The following MYCBP2 variants were observed in gnomAD, a reference collection of about 807,000 sequenced individuals.
MYCBP2 encodes MYC binding protein 2, also known as E3 ubiquitin-protein ligase MYCBP2.
A neutral mutation model predicts 525.3 loss-of-function variants in MYCBP2; 120 were observed. The ratio of observed to expected loss-of-function variants is 0.23; its 90% CI spans 0.20 to 0.27. MYCBP2 has a LOEUF of 0.27. Ranked by LOEUF, MYCBP2 falls within the 10% of genes least tolerant of loss-of-function variation. The probability of loss-of-function intolerance (pLI) is 1.00; values close to 1 mark genes in which losing one functional copy is unlikely to be tolerated. For synonymous variants in MYCBP2, 1,894 were observed against 1,955.8 expected (o/e 0.97, Z 0.83); for missense variants, 4,149 against 5,657.1 (o/e 0.73, Z 8.55).
chr13:77,070,593 C>G (rs778815212), intron 69 of MYCBP2, 38 bp downstream of exon 69: 4 of 1,429,388 alleles, frequency 2.8e-6, no homozygotes, highest in Non-Finnish European at 3.9e-6. Context: ...CACACACACA[C>G]AAAACTAATG....
intron 4 of MYCBP2, among the ~76,000 whole-genome samples, chr13:77,276,981 A>G (rs1171223560): frequency 6.6e-6 from 1 of 152,054 alleles, no homozygotes; most frequent in East Asian, 1.9e-4. Context: ...TTGATGGAAG[A>G]TAAGACTAAA....
chr13:77,297,655 C>A (rs1157724463), intron 1 of MYCBP2, among the ~76,000 whole-genome samples: 1 of 151,950 alleles, frequency 6.6e-6, no homozygotes, highest in Non-Finnish European at 1.5e-5. Flanking sequence ...AGTTAGCCTG[C>A]TGGAAAAAAA....
rs532619521 is a variant in MYCBP2, at chr13:77,057,022, C to T, written c.13401G>A (p.Arg4467=). ...RVLENRWLGP[R]ITFGFISCPI... is the part of the protein sequence containing the mutation. ...GACAAGATATAAATCCAAATGTTAT[C>T]CTTGGGCCAAGCCATCGATTTTCTA... The change falls in exon 79 of 83, where the codon AGG becomes AGA. Residue 4467 remains arginine (R), a synonymous_variant. Coordinates refer to ENST00000544440, the MANE Select transcript of MYCBP2 (RefSeq NM_015057.5). 1.2e-5 allele frequency: 19 copies of T among 1,613,628 alleles called. 1 individual carries two copies. In the South Asian group the frequency reaches 2.1e-4, roughly 18 times the overall value.
chr13:77,286,152 G>GGAAC (rs1407751271), intron 3 of MYCBP2, among the ~76,000 whole-genome samples: 1 of 152,134 alleles, frequency 6.6e-6, no homozygotes, highest in Non-Finnish European at 1.5e-5. Context: ...GGTGTACTTA[G>GGAAC]GAACAGCCAC....
chr13:77,270,109 T>C (rs766517605), intron 6 of MYCBP2, 46 bp from the exon 7 acceptor site: 1 of 1,534,344 alleles, frequency 6.5e-7, no homozygotes, highest in South Asian at 1.2e-5. Flanking sequence ...TCATAATTAA[T>C]AATCAATGAA....
At position 77,140,849 on chromosome 13, in the gene MYCBP2, A is replaced by G. The variant is rs767253301; in HGVS notation, c.7398T>C (p.Asn2466=). The part of the protein sequence containing the change: ...LVKPKSEPQP[N]KVRKFVAKDS... ...TCTCAATTCATTCTGCCCTAACCTT[A>G]TTAGGCTGAGGTTCAGACTTTGGTT... The change falls in exon 50 of 83, where the codon AAT becomes AAC. Residue 2466 remains asparagine, a synonymous_variant. Transcript: ENST00000544440. 1 of 1,607,658 alleles carries G rather than the reference A, an allele frequency of 6.2e-7. No homozygotes were observed. Among genetic ancestry groups the G allele is most frequent in the Non-Finnish European group, 8.5e-7 (1 of 1,177,056 alleles).
In MYCBP2 at chr13:77,061,102, T is replaced by C. The variant is rs557658598; in HGVS notation, c.13036+67A>G. On this transcript the variant is annotated intron_variant, in intron 76 of 82. Coordinates refer to ENST00000544440, the MANE Select transcript of MYCBP2 (RefSeq NM_015057.5). ...TCACTCAAAATTATTCACAGTTTAA[T>C]CAGTTGGCACGGTTTAATCTTTTTT... 2.7e-6 allele frequency: 4 copies of C among 1,478,140 alleles called. No homozygotes were observed. The African/African-American group carries it at 5.7e-5, about 21-fold the overall frequency. 91.6% of individuals were successfully genotyped at this position (1,478,140 alleles called of 1,614,324 possible). A position where few individuals can be genotyped will look rare whatever the true frequency, so the allele number is the denominator to read the frequency against.
At chr13:77,243,222 G>C (rs1257926797) in intron 16 of MYCBP2, 62 bp from the exon 17 acceptor site, 2 of 1,219,480 alleles carry the variant, frequency 1.6e-6, no homozygotes, top group African/African-American at 1.5e-5. Context: ...AGCTATGACA[G>C]AACTACATAA....
intron 39 of MYCBP2, 98 bp from the exon 40 acceptor site, chr13:77,168,744 C>G (rs2058802983): frequency 1.8e-6 from 2 of 1,097,208 alleles, no homozygotes; most frequent in Middle Eastern, 2.2e-4. Context: ...ATAACAATTT[C>G]CATCTAAATT....
intron 1 of MYCBP2, among the ~76,000 whole-genome samples, chr13:77,315,444 TC>T (rs1443545405): frequency 6.6e-6 from 1 of 152,184 alleles, no homozygotes; most frequent in Non-Finnish European, 1.5e-5. Flanking sequence ...AGCAATACAT[TC>T]CAAATATGAT....
chr13:77,181,570 A>G, intron 33 of MYCBP2, 131 bp downstream of exon 33: 1 of 524,794 alleles, frequency 1.9e-6, no homozygotes, highest in Admixed American at 3.5e-5. Flanking sequence ...AATAGAGAAG[A>G]ATAAGCACCA....
intron 20 of MYCBP2, among the ~76,000 whole-genome samples, chr13:77,223,076 C>G (rs2065814326): frequency 6.6e-6 from 1 of 152,184 alleles, no homozygotes. Flanking sequence ...CATGGTGAGA[C>G]AACCACAGAC....
At chr13:77,315,592 T>G (rs1233095510) in intron 1 of MYCBP2, among the ~76,000 whole-genome samples, 1 of 152,192 alleles carries the variant, frequency 6.6e-6, no homozygotes, top group African/African-American at 2.4e-5. Flanking sequence ...AATACACATT[T>G]ATAATTAAAA....
At chr13:77,110,286 G>C (rs887464907) in intron 55 of MYCBP2, among the ~76,000 whole-genome samples, 1 of 152,152 alleles carries the variant, frequency 6.6e-6, no homozygotes, top group East Asian at 1.9e-4. Context: ...GCTGCTCTGG[G>C]AGTGTCTGTC....
chr13:77,100,462 T>G (rs1452379703), intron 55 of MYCBP2: 1 of 152,074 alleles, frequency 6.6e-6, no homozygotes, highest in East Asian at 1.9e-4. Flanking sequence ...GATTTTTTTC[T>G]TCTGCTACTC....
intron 2 of MYCBP2, among the ~76,000 whole-genome samples, chr13:77,294,127 T>TATATATATATATATATATATATATATAC (rs1350132831): frequency 1.6e-5 from 1 of 60,858 alleles, no homozygotes; most frequent in Non-Finnish European, 3.9e-5. Flanking sequence ...TATATATATA[T>TATATATATATATATATATATATATATAC]ATACATATAT....
At chr13:77,291,089 C>A (rs2077415315) in intron 2 of MYCBP2, among the ~76,000 whole-genome samples, 1 of 152,212 alleles carries the variant, frequency 6.6e-6, no homozygotes, top group Middle Eastern at 3.4e-3. Context: ...GGCAATTCTT[C>A]CCCCAAAAGC....
At chr13:77,144,375 T>A in intron 49 of MYCBP2, 70 bp downstream of exon 49, 1 of 1,111,626 alleles carries the variant, frequency 9.0e-7, no homozygotes, top group South Asian at 1.3e-5. Context: ...TGGGCAAAAC[T>A]AGAAGATAAA....
At chr13:77,155,948 A>C in intron 46 of MYCBP2, 110 bp downstream of exon 46, 1 of 1,017,298 alleles carries the variant, frequency 9.8e-7, no homozygotes, top group East Asian at 2.5e-5. Flanking sequence ...ATCACCCTTT[A>C]TATAAAGAGG....
Sources: allele counts gnomAD v4.1 joint callset (sites outside exome capture counted in the v4.1 genomes callset), GRCh38; gene constraint gnomAD v4.1.1; transcripts MANE v1.5; gene names NCBI Gene and HGNC (gene_info 2026-07-23, HGNC 2026-07-21).